Variants in LYPD6 observed in about 807,000 individuals in gnomAD.
The protein encoded by LYPD6 is LY6/PLAUR domain containing 6.
LYPD6 carries 15 observed loss-of-function variants against 22.7 expected under a neutral mutation model. The observed-to-expected ratio is 0.66, with a 90% CI of 0.44 to 1.02. The LOEUF (loss-of-function observed/expected upper bound fraction) is 1.02. Among genes scored for constraint, LYPD6 ranks in the 50% least tolerant of loss-of-function variants. LYPD6 has a pLI of 0.00. For missense variants in LYPD6, 189 were observed against 208.4 expected, an observed-to-expected ratio of 0.91 and a Z score of 0.57; for synonymous variants, 72 against 77.5, an observed-to-expected ratio of 0.93 and a Z score of 0.37.
Position 149,376,114 on chromosome 2 carries a change from C to T in LYPD6, c.-72+45392C>T, listed in dbSNP as rs556731615. Among the ~76,000 whole-genome samples the T allele has an allele frequency of 1.2e-4, 19 of 152,308 alleles. No homozygotes were observed. The East Asian group carries it at 3.5e-3, about 28-fold the overall frequency. On this transcript the variant is annotated intron_variant, in intron 1 of 4. Transcript: ENST00000334166. Reference sequence around the variant, plus strand: ...GGAAACCGCCTCAGAGCTGAAACAACAGAAGCTGAAGTTGAGCAGTGTCAG... The same window carrying T: ...GGAAACCGCCTCAGAGCTGAAACAATAGAAGCTGAAGTTGAGCAGTGTCAG...
Position 149,473,939 on chromosome 2 carries a change from A to G in LYPD6, c.*3089A>G, listed in dbSNP as rs1031786651. 6 of 152,214 alleles carry G rather than the reference A, an allele frequency of 3.9e-5. No homozygotes were observed. The highest frequency in any genetic ancestry group is 7.4e-5 in the Non-Finnish European group (5 of 67,988). The allele number at this position is 152,214 out of a possible 1,614,324, so 9.4% of individuals were successfully genotyped here. A position where few individuals can be genotyped will look rare whatever the true frequency, so the allele number is the denominator to read the frequency against. On this transcript the variant is annotated 3_prime_UTR_variant, in exon 5 of 5. Coordinates refer to ENST00000334166, the MANE Select transcript of LYPD6 (RefSeq NM_194317.5). ...AAAAATTATGTGTGTATGTGTATGT[A>G]TATATATATACCACCCTATTAACTA... is the stretch of plus-strand genomic sequence containing the variant.
In LYPD6 at chr2:149,449,038, CTTTT is replaced by C; in HGVS notation, c.119-6_119-3del. The C allele has an allele frequency of 1.3e-6, 2 of 1,584,520 alleles. No individual in the cohort carries two copies. The highest frequency in any genetic ancestry group is 1.7e-6 in the Non-Finnish European group (2 of 1,157,332). On this transcript the variant is annotated splice_region_variant and splice_polypyrimidine_tract_variant and intron_variant, in intron 2 of 4. Coordinates refer to ENST00000334166, the MANE Select transcript of LYPD6 (RefSeq NM_194317.5). ...TAAAAATTAATCTTTTCTCTTAATC[CTTTT>C]TTTTAGCCACACCATATCCTGGTGG...
intron 4 of LYPD6, among the ~76,000 whole-genome samples, chr2:149,469,943 A>G (rs942689544): frequency 2.6e-5 from 4 of 152,130 alleles, no homozygotes; most frequent in African/African-American, 7.2e-5. Flanking sequence ...TAACCATCCT[A>G]TGACTAGGAA....
intron 1 of LYPD6, among the ~76,000 whole-genome samples, chr2:149,402,265 A>C (rs960158454): frequency 6.8e-6 from 1 of 147,188 alleles, no homozygotes; most frequent in Non-Finnish European, 1.5e-5. Flanking sequence ...TGTGTATTAC[A>C]TTTCCTTTAT....
chr2:149,332,921 A>C (rs1165617058), intron 1 of LYPD6, among the ~76,000 whole-genome samples: 1 of 152,218 alleles, frequency 6.6e-6, no homozygotes, highest in African/African-American at 2.4e-5. Context: ...AGGTACATAT[A>C]ATCAAACCCC....
chr2:149,441,217 G>T (rs1196645219), intron 2 of LYPD6, among the ~76,000 whole-genome samples: 1 of 152,166 alleles, frequency 6.6e-6, no homozygotes, highest in East Asian at 1.9e-4. Flanking sequence ...GGATTAGTTT[G>T]ATTTTGAATT....
intron 1 of LYPD6, among the ~76,000 whole-genome samples, chr2:149,359,567 G>A (rs112942810): frequency 0.033 from 5,030 of 152,214 alleles, 261 homozygotes; most frequent in African/African-American, 0.11. Context: ...TGAAACCAAG[G>A]CCCTGACTTG....
Position 149,397,386 on chromosome 2 carries a change from C to T in LYPD6, c.-71-40252C>T, listed in dbSNP as rs192833225. Among the ~76,000 whole-genome samples, 4 of 152,296 alleles carry T rather than the reference C, an allele frequency of 2.6e-5. No homozygotes were observed. In the East Asian group the frequency reaches 7.7e-4, roughly 29 times the overall value. ...CCATCAGAGTAGCCTGGATTTCTTA[C>T]CTGCTAACTCAAGGTTCCCAGAGGC... On this transcript the variant is annotated intron_variant, in intron 1 of 4. Coordinates refer to ENST00000334166, the MANE Select transcript of LYPD6 (RefSeq NM_194317.5).
intron 1 of LYPD6, among the ~76,000 whole-genome samples, chr2:149,430,130 C>T (rs1559149665): frequency 6.6e-6 from 1 of 152,162 alleles, no homozygotes. Context: ...GATGAAGTCT[C>T]ACTCTGTCAC....
At chr2:149,459,563 G>T (rs561061753) in intron 3 of LYPD6, among the ~76,000 whole-genome samples, 1 of 152,294 alleles carries the variant, frequency 6.6e-6, no homozygotes, top group Non-Finnish European at 1.5e-5. Flanking sequence ...AACTTATAAT[G>T]CTGTCTGATG....
intron 1 of LYPD6, among the ~76,000 whole-genome samples, chr2:149,355,673 C>T (rs1047565484): frequency 6.6e-6 from 1 of 152,086 alleles, no homozygotes; most frequent in Non-Finnish European, 1.5e-5. Context: ...CTCAGATGGC[C>T]AAATGTCATG....
chr2:149,459,384 G>T lies in LYPD6; in HGVS notation c.218-9261G>T, dbSNP rs1282388929. Among the ~76,000 whole-genome samples, 4 of 152,276 alleles carry T rather than the reference G, an allele frequency of 2.6e-5. No homozygotes were observed. The East Asian group carries it at 7.7e-4, about 29-fold the overall frequency. ...TGTCACTAGCAGACCTACCTTAAAA[G>T]AATGGCTGAAGGAAGCTCTATATGC... On this transcript the variant is annotated intron_variant, in intron 3 of 4. Coordinates refer to ENST00000334166, the MANE Select transcript of LYPD6 (RefSeq NM_194317.5).
chr2:149,367,382 T>C (rs1681699621), intron 1 of LYPD6, among the ~76,000 whole-genome samples: 1 of 152,122 alleles, frequency 6.6e-6, no homozygotes, highest in Non-Finnish European at 1.5e-5. Context: ...CTTCTCAACA[T>C]TGGAACTTGC....
At chr2:149,426,945 A>G (rs1182989764) in intron 1 of LYPD6, among the ~76,000 whole-genome samples, 1 of 152,214 alleles carries the variant, frequency 6.6e-6, no homozygotes, top group Non-Finnish European at 1.5e-5. Context: ...GGGCACTGCC[A>G]ATAAAACTCA....
At chr2:149,413,944 A>G (rs1214205720) in intron 1 of LYPD6, among the ~76,000 whole-genome samples, 4 of 152,222 alleles carry the variant, frequency 2.6e-5, no homozygotes, top group Admixed American at 2.6e-4. Context: ...GGTTATTGAA[A>G]ATGTGCATAA....
chr2:149,450,806 T>G (rs1683789750), intron 3 of LYPD6, among the ~76,000 whole-genome samples: 1 of 152,224 alleles, frequency 6.6e-6, no homozygotes, highest in African/African-American at 2.4e-5. Context: ...CAGCGATTCA[T>G]ATTAAATGGT....
chr2:149,409,911 C>A (rs1682815966), intron 1 of LYPD6, among the ~76,000 whole-genome samples: 1 of 152,258 alleles, frequency 6.6e-6, no homozygotes, highest in Non-Finnish European at 1.5e-5. Context: ...GGGCCTGCAG[C>A]AGTGATTCAG....
At chr2:149,368,885 T>C (rs1198384715) in intron 1 of LYPD6, among the ~76,000 whole-genome samples, 1 of 152,142 alleles carries the variant, frequency 6.6e-6, no homozygotes, top group Non-Finnish European at 1.5e-5. Context: ...TTTCTGACTT[T>C]AGTGACTGGG....
At chr2:149,376,707 A>G (rs578247818) in intron 1 of LYPD6, among the ~76,000 whole-genome samples, 1 of 152,326 alleles carries the variant, frequency 6.6e-6, no homozygotes, top group African/African-American at 2.4e-5. Flanking sequence ...CTGTCTTTAT[A>G]TACAATTTCT....
Sources: allele counts gnomAD v4.1 joint callset (sites outside exome capture counted in the v4.1 genomes callset), GRCh38; gene constraint gnomAD v4.1.1; transcripts MANE v1.5; gene names NCBI Gene and HGNC (gene_info 2026-07-23, HGNC 2026-07-21).